UNC80: variants seen among roughly 807,000 people sequenced by gnomAD.
UNC80 encodes the protein unc-80 subunit of NALCN channel complex.
A neutral mutation model predicts 384.6 loss-of-function variants in UNC80; 164 were observed. That is an observed-to-expected ratio of 0.43 (90% CI 0.38 to 0.49). The LOEUF is 0.49. Ranked by LOEUF, UNC80 falls within the 20% of genes least tolerant of loss-of-function variation. UNC80 has a pLI of 0.00. For synonymous variants in UNC80, 1,486 were observed against 1,527.8 expected (o/e 0.97, Z 0.64); for missense variants, 3,330 against 4,143.0 (o/e 0.80, Z 5.39).
At chr2:209,953,022 G>T (rs905375246) in intron 47 of UNC80, among the ~76,000 whole-genome samples, 2 of 152,226 alleles carry the variant, frequency 1.3e-5, no homozygotes, top group South Asian at 2.1e-4. Context: ...AAAAAGAATA[G>T]ATCAAAGAAA....
rs2084939495 is a variant in UNC80, at chr2:209,878,107, A to G, written c.3976+18A>G. Reference sequence around the variant, plus strand: ...AGATGACAGTAAGGAGACTCCCTTTACTACAAGAACCCCTGCTTGTAAGAA... The same window carrying G: ...AGATGACAGTAAGGAGACTCCCTTTGCTACAAGAACCCCTGCTTGTAAGAA... On this transcript the variant is annotated intron_variant, in intron 24 of 64. Transcript: ENST00000673920. 1.3e-6 allele frequency: 2 copies of G among 1,514,030 alleles called. No individual in the cohort carries two copies. The highest frequency in any genetic ancestry group is 1.8e-6 in the Non-Finnish European group (2 of 1,131,618). The allele number at this position is 1,514,030 out of a possible 1,614,324, so 93.8% of individuals were successfully genotyped here. A position where few individuals can be genotyped will look rare whatever the true frequency, so the allele number is the denominator to read the frequency against.
chr2:209,906,716 A>G (rs955697532), intron 29 of UNC80, among the ~76,000 whole-genome samples: 6 of 152,180 alleles, frequency 3.9e-5, no homozygotes, highest in African/African-American at 1.4e-4. Context: ...CTAAATAATG[A>G]CATAAAAAGA....
chr2:209,867,026 C>T (rs2083890284), intron 22 of UNC80, among the ~76,000 whole-genome samples: 1 of 152,148 alleles, frequency 6.6e-6, no homozygotes, highest in Non-Finnish European at 1.5e-5. Flanking sequence ...AAACATTTAT[C>T]ATTTATTTGT....
chr2:209,858,023 G>A (rs1308991427), intron 22 of UNC80, among the ~76,000 whole-genome samples: 2 of 152,112 alleles, frequency 1.3e-5, no homozygotes, highest in East Asian at 1.9e-4. Flanking sequence ...ATATACGTAC[G>A]ATCAAACTCA....
At chr2:209,935,302 T>C (rs2091169445) in intron 39 of UNC80, among the ~76,000 whole-genome samples, 1 of 152,136 alleles carries the variant, frequency 6.6e-6, no homozygotes, top group South Asian at 2.1e-4. Context: ...TTAAATACAA[T>C]TATGCATGTA....
chr2:209,976,674 G>A lies in UNC80; in HGVS notation c.8773-239G>A, dbSNP rs1441938409. On this transcript the variant is annotated intron_variant, in intron 57 of 64. Transcript: ENST00000673920. The surrounding 1 kb of genome is among the most constrained non-coding windows in gnomAD (Gnocchi z 4.3). ...ATAAGAAAAACATAGGATACTTAAC[G>A]TATGTTTTTCCTCCAAGACCCTCGG... is the stretch of plus-strand genomic sequence containing the variant. Among the ~76,000 whole-genome samples the A allele has an allele frequency of 2.0e-5, 3 of 152,032 alleles. No homozygotes were observed. The highest frequency in any genetic ancestry group is 4.8e-5 in the African/African-American group (2 of 41,370).
At chr2:209,846,863 CA>C (rs2082207571) in intron 21 of UNC80, among the ~76,000 whole-genome samples, 1 of 151,952 alleles carries the variant, frequency 6.6e-6, no homozygotes, top group African/African-American at 2.4e-5. Context: ...TATGGAATGC[CA>C]GCAGGATACA....
chr2:209,835,858 A>G (rs1390949384), intron 18 of UNC80, among the ~76,000 whole-genome samples: 1 of 152,226 alleles, frequency 6.6e-6, no homozygotes, highest in East Asian at 1.9e-4. Context: ...GGTAATTCAT[A>G]GCAAGCGAAC....
Position 209,772,015 on chromosome 2 carries a change from G to T in UNC80, c.-58G>T. 3 of 1,314,026 alleles carry T rather than the reference G, an allele frequency of 2.3e-6. No individual in the cohort carries two copies. In the East Asian group the frequency reaches 7.7e-5, roughly 34 times the overall value. 81.4% of individuals were successfully genotyped at this position (1,314,026 alleles called of 1,614,324 possible). ...GGGAGCAGCGGGAGGAGGCGGCGGC[G>T]GCGGCTAGCGAGGAGACAGAGCTGG... On this transcript the variant is annotated 5_prime_UTR_variant, in exon 1 of 65. Coordinates refer to ENST00000673920, the MANE Select transcript of UNC80 (RefSeq NM_001371986.1).
chr2:209,895,037 G>A (rs2086677460), intron 27 of UNC80, among the ~76,000 whole-genome samples: 1 of 152,024 alleles, frequency 6.6e-6, no homozygotes, highest in Non-Finnish European at 1.5e-5. Flanking sequence ...ACCATACAAT[G>A]TGTTAAACAC....
At chr2:209,903,666 T>C (rs1258215517) in intron 28 of UNC80, among the ~76,000 whole-genome samples, 2 of 127,902 alleles carry the variant, frequency 1.6e-5, no homozygotes, top group Non-Finnish European at 3.2e-5. Flanking sequence ...ATATATACTA[T>C]ATATACACAC....
In UNC80 at chr2:209,943,478, G is replaced by C. The variant is rs2091752984; in HGVS notation, c.7014G>C (p.Gln2338His). The change falls in exon 45 of 65, where the codon CAG (glutamine) becomes CAC (histidine). Residue 2338 changes from glutamine to histidine, a missense_variant. Gln to His is a conservative substitution (Grantham distance 24, BLOSUM62 0). Around this residue, in one of 8 missense-constraint regions of UNC80, gnomAD observed 1,049 missense variants for 1,488.6 expected, o/e 0.70. Coordinates refer to ENST00000673920, the MANE Select transcript of UNC80 (RefSeq NM_001371986.1). ...YILHRKPFVL[Q>H]LFASVAPLLE... is the part of the protein sequence containing the mutation. ...TACACCGGAAGCCCTTTGTGCTCCA[G>C]CTGTTTGCTAGTGTGGCCCCTCTCC... 2 of 1,551,916 alleles carry C rather than the reference G, an allele frequency of 1.3e-6. No homozygotes were observed. Among genetic ancestry groups the C allele is most frequent in the East Asian group, 4.9e-5 (2 of 40,916 alleles).
intron 2 of UNC80, 73 bp from the exon 3 acceptor site, chr2:209,775,816 G>T (rs1236864697): frequency 2.7e-6 from 4 of 1,498,272 alleles, no homozygotes; most frequent in Non-Finnish European, 2.7e-6. Context: ...TCACTAACCA[G>T]AATCTTCAAT....
intron 7 of UNC80, chr2:209,809,474 A>C: frequency 7.1e-7 from 1 of 1,402,508 alleles, no homozygotes; most frequent in Non-Finnish European, 1.0e-6. Flanking sequence ...CTCCAGACCC[A>C]CTTGGACGTC....
At chr2:209,939,939 G>C (rs181547712) in intron 43 of UNC80, among the ~76,000 whole-genome samples, 2 of 152,252 alleles carry the variant, frequency 1.3e-5, no homozygotes, top group East Asian at 3.9e-4. Flanking sequence ...GTGTGCACAA[G>C]AGACCCCTGA....
chr2:209,813,248 T>A (rs1414857664), intron 7 of UNC80, among the ~76,000 whole-genome samples: 1 of 152,206 alleles, frequency 6.6e-6, no homozygotes, highest in Non-Finnish European at 1.5e-5. Flanking sequence ...ACTTAGGGTC[T>A]CCCCTTCAAA....
chr2:209,834,917 A>T lies in UNC80; in HGVS notation c.2948A>T (p.Glu983Val), dbSNP rs1233386897. 6 of 1,549,684 alleles carry T rather than the reference A, an allele frequency of 3.9e-6. No individual in the cohort carries two copies. The highest frequency in any genetic ancestry group is 5.2e-6 in the Non-Finnish European group (6 of 1,145,536). The change falls in exon 18 of 65, where the codon GAG becomes GTG. Residue 983 changes from glutamate (E) to valine (V), a missense_variant. This residue lies in a region of UNC80 where 801 missense variants were observed against 950.8 expected (regional missense o/e 0.84). Transcript: ENST00000673920. Reference protein sequence around the residue: ...ESKPAGSKRSEAGSIVDKGQV... With the variant: ...ESKPAGSKRSVAGSIVDKGQV... ...GGAATGCACCATTTGCATAGGTCAGAGGCGGGAAGCATTGTGGATAAAGGC... is the reference window on the plus strand; with the variant it reads ...GGAATGCACCATTTGCATAGGTCAGTGGCGGGAAGCATTGTGGATAAAGGC...
intron 31 of UNC80, among the ~76,000 whole-genome samples, chr2:209,915,049 C>G (rs573236954): frequency 6.6e-6 from 1 of 152,220 alleles, no homozygotes; most frequent in East Asian, 1.9e-4. Flanking sequence ...GAATGGCACA[C>G]TCCCCAAATG....
intron 7 of UNC80, chr2:209,795,474 G>A (rs2078095303): frequency 6.6e-6 from 1 of 152,260 alleles, no homozygotes; most frequent in South Asian, 2.1e-4. Context: ...TAAGGAGCAA[G>A]GAGCCTAATG....
Sources: allele counts gnomAD v4.1 joint callset (sites outside exome capture counted in the v4.1 genomes callset), GRCh38; gene constraint gnomAD v4.1.1; regional missense constraint gnomAD v4.1.1; non-coding constraint Gnocchi (gnomAD v3.1); transcripts MANE v1.5; gene names NCBI Gene and HGNC (gene_info 2026-07-23, HGNC 2026-07-21).